The following FRMPD1 variants were observed in gnomAD, a reference collection of about 807,000 sequenced individuals.
FRMPD1 encodes FERM and PDZ domain containing 1.
Under a neutral mutation model 117.8 loss-of-function variants are expected in FRMPD1, and 76 were observed. The observed-to-expected ratio is 0.65, with a 90% CI of 0.54 to 0.78. The LOEUF (loss-of-function observed/expected upper bound fraction) is 0.78, where lower values mean the gene tolerates loss of function less well. FRMPD1 is among the 30% of genes least tolerant of loss of function. The probability of loss-of-function intolerance (pLI) is 0.00; values close to 1 mark genes in which losing one functional copy is unlikely to be tolerated. For synonymous variants in FRMPD1, 783 were observed against 770.4 expected, an observed-to-expected ratio of 1.02 and a Z score of -0.27; for missense variants, 1,786 against 1,964.5, an observed-to-expected ratio of 0.91 and a Z score of 1.72.
In FRMPD1 at chr9:37,670,752, G is replaced by A. The variant is rs114787576; in HGVS notation, c.-5+19658G>A. Among the ~76,000 whole-genome samples, 279 of 152,380 alleles carry A rather than the reference G, an allele frequency of 1.8e-3. 2 individuals are homozygous for A. Among genetic ancestry groups the A allele is most frequent in the African/African-American group, 6.3e-3 (263 of 41,582 alleles). ...AGTAAAGTTAATCTGCCATCAGCATGTGAAGTAGACTGAAGTATGTGAGAG... is the reference window on the plus strand; with the variant it reads ...AGTAAAGTTAATCTGCCATCAGCATATGAAGTAGACTGAAGTATGTGAGAG... On this transcript the variant is annotated intron_variant, in intron 1 of 15. Transcript: ENST00000377765.
chr9:37,694,723 T>C (rs1205679095), intron 2 of FRMPD1, among the ~76,000 whole-genome samples: 2 of 152,140 alleles, frequency 1.3e-5, no homozygotes, highest in East Asian at 3.8e-4. Context: ...GATTTGCCTA[T>C]CCTGGATATT....
chr9:37,621,589 C>T, the FRMPD1 span, among the ~76,000 whole-genome samples: 3 of 152,176 alleles, frequency 2.0e-5, no homozygotes, highest in African/African-American at 7.2e-5. Flanking sequence ...CTGGGTCTGA[C>T]TCCCGCCCTG....
Position 37,740,755 on chromosome 9 carries a change from A to G in FRMPD1, c.2227A>G (p.Thr743Ala), listed in dbSNP as rs1473694667. ...APPAWGQQGW[T>A]EAQPSSMLEP... ...GCCAGCCTGGGGTCAGCAGGGCTGG[A>G]CTGAGGCCCAGCCCAGTTCCATGCT... The change falls in exon 15 of 16, where the codon ACT becomes GCT. Residue 743 changes from threonine to alanine, a missense_variant. Physicochemically the swap from Thr to Ala is moderately conservative, Grantham distance 58. Coordinates refer to ENST00000377765, the MANE Select transcript of FRMPD1 (RefSeq NM_014907.3). This position sits in a 1 kb window ranked among gnomAD's most constrained non-coding sequence, Gnocchi z 4.2. The G allele has an allele frequency of 6.2e-7, 1 of 1,614,000 alleles. No homozygotes were observed. Among genetic ancestry groups the G allele is most frequent in the Non-Finnish European group, 8.5e-7 (1 of 1,179,854 alleles).
rs555109923 is a variant in FRMPD1, at chr9:37,660,066, C to T, written c.-5+8972C>T. 5.3e-5 allele frequency among the ~76,000 whole-genome samples: 8 copies of T among 152,102 alleles called. No individual in the cohort carries two copies. The East Asian group carries it at 1.5e-3, about 29-fold the overall frequency. ...CTCCAGACTCTCCACTCATTGCTGC[C>T]CCCAGGATTCCTGTCCGACGGCATC... On this transcript the variant is annotated intron_variant, in intron 1 of 15. Transcript: ENST00000377765.
the FRMPD1 span, among the ~76,000 whole-genome samples, chr9:37,625,855 G>A: frequency 6.6e-6 from 1 of 152,230 alleles, no homozygotes; most frequent in Non-Finnish European, 1.5e-5. Context: ...TCCAAGCTGG[G>A]TTGCTGTCTG....
At chr9:37,697,557 ACT>A (rs1461471836) in intron 2 of FRMPD1, among the ~76,000 whole-genome samples, 1 of 151,680 alleles carries the variant, frequency 6.6e-6, no homozygotes, top group Non-Finnish European at 1.5e-5. Context: ...AAAGAGCAAG[ACT>A]CTGTCTCAAA....
chr9:37,624,413 C>G, the FRMPD1 span, among the ~76,000 whole-genome samples: 1 of 152,218 alleles, frequency 6.6e-6, no homozygotes, highest in Non-Finnish European at 1.5e-5. Context: ...CAAATGGAGA[C>G]TAACCAACAT....
intron 1 of FRMPD1, among the ~76,000 whole-genome samples, chr9:37,671,251 C>T (rs1378994660): frequency 6.6e-6 from 1 of 152,220 alleles, no homozygotes. Flanking sequence ...AAATCAAACT[C>T]ATTTTGCAAG....
intron 1 of FRMPD1, among the ~76,000 whole-genome samples, chr9:37,677,533 C>T (rs1251802973): frequency 6.6e-6 from 1 of 152,194 alleles, no homozygotes; most frequent in Non-Finnish European, 1.5e-5. Flanking sequence ...CAGGTGAAGT[C>T]AGCCCCATTT....
upstream of FRMPD1, among the ~76,000 whole-genome samples, chr9:37,645,967 G>A (rs1824132956): frequency 6.6e-6 from 1 of 152,200 alleles, no homozygotes; most frequent in Non-Finnish European, 1.5e-5. Context: ...GGAGTAAAGT[G>A]TAGCTCAGAG....
At chr9:37,729,061 C>G (rs562113100) in intron 7 of FRMPD1, among the ~76,000 whole-genome samples, 1 of 151,496 alleles carries the variant, frequency 6.6e-6, no homozygotes, top group African/African-American at 2.4e-5. Context: ...GCCTGGCCAA[C>G]GTGGCAAAAC....
the FRMPD1 span, among the ~76,000 whole-genome samples, chr9:37,631,873 G>A: frequency 6.6e-6 from 1 of 152,130 alleles, no homozygotes; most frequent in African/African-American, 2.4e-5. Flanking sequence ...CAAAAGTATT[G>A]GGATTATAGA....
the FRMPD1 span, among the ~76,000 whole-genome samples, chr9:37,605,289 T>C: frequency 1.3e-5 from 2 of 152,240 alleles, no homozygotes; most frequent in Admixed American, 1.3e-4. Flanking sequence ...AGCACAATCC[T>C]TGGGAGAAGC....
chr9:37,626,089 G>A, the FRMPD1 span, among the ~76,000 whole-genome samples: 1 of 152,156 alleles, frequency 6.6e-6, no homozygotes, highest in African/African-American at 2.4e-5. Flanking sequence ...CACTTTAAGA[G>A]CCTGAGGCAG....
chr9:37,637,106 T>C, the FRMPD1 span: 2 of 1,591,296 alleles, frequency 1.3e-6, no homozygotes, highest in South Asian at 2.2e-5. Flanking sequence ...GCCCGCCGTG[T>C]CCCAGATCTG....
In FRMPD1 at chr9:37,740,508, C is replaced by A. The variant is rs372573094; in HGVS notation, c.1980C>A (p.Asp660Glu). ...CCAGTGGCTTCCTCTGTCTCCTGGA[C>A]CTGGCCCAGAGAGCCAACCCCCAGT... The part of the protein sequence containing the change: ...IETSGFLCLL[D>E]LAQRANPQCQ... Residue 660 changes from aspartate to glutamate, a missense_variant, in exon 15 of 16, where the codon GAC (aspartate) becomes GAA (glutamate). Transcript: ENST00000377765. The surrounding 1 kb of genome is among the most constrained non-coding windows in gnomAD (Gnocchi z 4.2). 2.5e-6 allele frequency: 4 copies of A among 1,614,138 alleles called. No individual in the cohort carries two copies. The highest frequency in any genetic ancestry group is 2.5e-6 in the Non-Finnish European group (3 of 1,179,984).
chr9:37,746,582 A>G lies in FRMPD1; in HGVS notation c.4550A>G (p.His1517Arg). 6.2e-7 allele frequency: 1 copy of G among 1,613,870 alleles called. No homozygotes were observed. The stretch of plus-strand genomic sequence containing the variant: ...GACTGTAGCCGCTGCTCCGCCCGGC[A>G]CAGGGAGGCAGCGGGGAACCTGAGG... ...FTDCSRCSAR[H>R]REAAGNLRDV... The change falls in exon 16 of 16, where the codon CAC (histidine) becomes CGC (arginine). Residue 1517 changes from histidine to arginine, a missense_variant. By Grantham distance (29) the His-to-Arg change is conservative. Coordinates refer to ENST00000377765, the MANE Select transcript of FRMPD1 (RefSeq NM_014907.3).
At chr9:37,741,786 T>C (rs376998641) in intron 15 of FRMPD1, among the ~76,000 whole-genome samples, 1 of 152,174 alleles carries the variant, frequency 6.6e-6, no homozygotes, top group African/African-American at 2.4e-5. Flanking sequence ...GTGCCTGTTT[T>C]TTCCCCCTCC....
At chr9:37,682,971 A>G (rs1481842775) in intron 1 of FRMPD1, among the ~76,000 whole-genome samples, 1 of 152,214 alleles carries the variant, frequency 6.6e-6, no homozygotes, top group Non-Finnish European at 1.5e-5. Context: ...AGCTATCACC[A>G]CTGTCTAATT....
Sources: gnomAD v4.1 joint callset for allele counts (sites outside exome capture counted in the v4.1 genomes callset) on GRCh38, gnomAD v4.1.1 for gene constraint, Gnocchi (gnomAD v3.1) non-coding constraint, MANE v1.5 for transcripts, NCBI Gene and HGNC (gene_info 2026-07-23, HGNC 2026-07-21) for gene names.